FAM227A: variants seen among roughly 807,000 people sequenced by gnomAD.
FAM227A encodes the protein family with sequence similarity 227 member A, also known as protein FAM227A.
In FAM227A, 80 loss-of-function variants were observed where a neutral mutation model predicts 74.7. The ratio of observed to expected loss-of-function variants is 1.07; its 90% CI spans 0.89 to 1.29. FAM227A has a LOEUF of 1.29. Among genes scored for constraint, FAM227A ranks in the 50% most tolerant of loss-of-function variants. The probability of loss-of-function intolerance (pLI) is 0.00; values close to 1 mark genes in which losing one functional copy is unlikely to be tolerated. For missense variants in FAM227A, 654 were observed against 683.4 expected (o/e 0.96, Z 0.48); for synonymous variants, 237 against 241.8 (o/e 0.98, Z 0.19).
intron 11 of FAM227A, among the ~76,000 whole-genome samples, chr22:38,616,376 A>G (rs1034246601): frequency 1.3e-5 from 2 of 151,996 alleles, no homozygotes; most frequent in Admixed American, 1.3e-4. Flanking sequence ...ATCTTTCAAG[A>G]AGTTCTGGGC....
chr22:38,608,437 CT>C (rs962368881), intron 11 of FAM227A, among the ~76,000 whole-genome samples: 31 of 146,448 alleles, frequency 2.1e-4, no homozygotes, highest in Non-Finnish European at 2.4e-4. Context: ...CTCAGGGATT[CT>C]TTTTTTTTTT....
intron 10 of FAM227A, among the ~76,000 whole-genome samples, chr22:38,620,631 G>A (rs947020301): frequency 1.3e-5 from 2 of 151,664 alleles, no homozygotes; most frequent in Non-Finnish European, 2.9e-5. Context: ...GTGAAACCCT[G>A]TCTCTACTAA....
At chr22:38,593,768 G>A (rs558180668) in intron 15 of FAM227A, among the ~76,000 whole-genome samples, 4 of 152,186 alleles carry the variant, frequency 2.6e-5, no homozygotes, top group East Asian at 1.9e-4. Flanking sequence ...CCGGCTCACC[G>A]CAACTTCTGC....
At chr22:38,613,113 A>G (rs2091460468) in intron 11 of FAM227A, among the ~76,000 whole-genome samples, 1 of 93,738 alleles carries the variant, frequency 1.1e-5, no homozygotes, top group South Asian at 2.6e-4. Context: ...AATTATATAT[A>G]TATTATATAT....
At chr22:38,632,541 T>C (rs2091934206) in intron 6 of FAM227A, among the ~76,000 whole-genome samples, 1 of 152,186 alleles carries the variant, frequency 6.6e-6, no homozygotes, top group Non-Finnish European at 1.5e-5. Flanking sequence ...AAATCTCTGT[T>C]CTTTATAAAT....
chr22:38,590,860 C>T (rs1349097624), intron 16 of FAM227A, among the ~76,000 whole-genome samples: 1 of 152,114 alleles, frequency 6.6e-6, no homozygotes, highest in Non-Finnish European at 1.5e-5. Context: ...TCTCGGCTCA[C>T]TGCAACCTCC....
chr22:38,599,791 AC>A lies in FAM227A; in HGVS notation c.1351del (p.Val451SerfsTer27). 1 of 1,551,282 alleles carries A rather than the reference AC, an allele frequency of 6.4e-7. No individual in the cohort carries two copies. The highest frequency in any genetic ancestry group is 8.7e-7 in the Non-Finnish European group (1 of 1,146,798). ...LQQHGKNVLI[V>X]RREKTTSTPD... is the part of the protein sequence containing the mutation. ...GGTGCTCGTGGTCTTTTCCCTTCTG[AC>A]TATCAACACATTCTTGCCGTGCTGC... On this transcript the variant is annotated frameshift_variant, in exon 14 of 17. Transcript: ENST00000535113. LOFTEE classifies it high-confidence loss of function.
chr22:38,627,173 T>G (rs1327794939), intron 8 of FAM227A, among the ~76,000 whole-genome samples: 3 of 151,768 alleles, frequency 2.0e-5, no homozygotes, highest in African/African-American at 7.3e-5. Context: ...CCTTTTAGTA[T>G]ATATATACAT....
At chr22:38,596,576 G>A (rs551013811) in intron 15 of FAM227A, among the ~76,000 whole-genome samples, 1 of 152,274 alleles carries the variant, frequency 6.6e-6, no homozygotes, top group South Asian at 2.1e-4. Context: ...GGGGACAATT[G>A]GGGAAATCTG....
rs910951240 is a variant in FAM227A at position 38,588,882 on chromosome 22, CG to C, written c.1638+2552del. 1.5e-4 allele frequency among the ~76,000 whole-genome samples: 22 copies of C among 144,014 alleles called. 1 individual carries two copies. The highest frequency in any genetic ancestry group is 5.7e-4 in the African/African-American group (22 of 38,748). The allele number at this position is 144,014 out of a possible 152,430, so 94.5% of individuals were successfully genotyped here. A position where few individuals can be genotyped will look rare whatever the true frequency, so the allele number is the denominator to read the frequency against. ...GGCGGAGGTTGCAGTGAGCCAAGAT[CG>C]CGCCACTGCACTCCAGCCTGGGCGA... is the stretch of plus-strand genomic sequence containing the variant. On this transcript the variant is annotated intron_variant, in intron 16 of 16. Transcript: ENST00000535113.
intron 12 of FAM227A, among the ~76,000 whole-genome samples, chr22:38,607,176 C>CA (rs528873313): frequency 0.088 from 4,737 of 54,034 alleles, 187 homozygotes; most frequent in Middle Eastern, 0.1. Context: ...GACTTCATCT[C>CA]AAAAAAAAAA....
chr22:38,585,789 C>T lies in FAM227A; in HGVS notation c.*336G>A, dbSNP rs973459849. The T allele has an allele frequency of 7.6e-5, 31 of 406,980 alleles. No individual in the cohort carries two copies. The highest frequency in any genetic ancestry group is 4.4e-4 in the African/African-American group (22 of 50,260). The allele number at this position is 406,980 out of a possible 1,614,324, so 25.2% of individuals were successfully genotyped here. A position where few individuals can be genotyped will look rare whatever the true frequency, so the allele number is the denominator to read the frequency against. Reference sequence around the variant, plus strand: ...CTTTCTAAACCTGGGCTTGCTGCTGCGTAAAATGCAGTGGATAATCCCTAC... The same window carrying T: ...CTTTCTAAACCTGGGCTTGCTGCTGTGTAAAATGCAGTGGATAATCCCTAC... On this transcript the variant is annotated 3_prime_UTR_variant, in exon 17 of 17. Coordinates refer to ENST00000535113, the MANE Select transcript of FAM227A (RefSeq NM_001013647.2).
intron 7 of FAM227A, 35 bp downstream of exon 7, chr22:38,628,799 A>C: frequency 8.2e-7 from 1 of 1,224,244 alleles, no homozygotes; most frequent in Non-Finnish European, 1.2e-6. Flanking sequence ...AAAATAACTT[A>C]AGCAAGGCAG....
At chr22:38,648,082 T>C (rs145377896) in intron 2 of FAM227A, among the ~76,000 whole-genome samples, 16 of 152,058 alleles carry the variant, frequency 1.1e-4, no homozygotes, top group African/African-American at 3.6e-4. Context: ...GACCTGGGGT[T>C]ATTTATAGTC....
In FAM227A at chr22:38,583,054, A is replaced by C; in HGVS notation, c.*3071T>G. On this transcript the variant is annotated 3_prime_UTR_variant, in exon 17 of 17. Transcript: ENST00000535113. The stretch of plus-strand genomic sequence containing the variant: ...GTGGTTCCTAGAGAAACTGCAAATG[A>C]AGAGTTGACAGTGGCTGGGGTAGTA... 3.1e-6 allele frequency: 4 copies of C among 1,294,048 alleles called. No individual in the cohort carries two copies. In the South Asian group the frequency reaches 5.5e-5, roughly 18 times the overall value. The allele number at this position is 1,294,048 out of a possible 1,614,324, so 80.2% of individuals were successfully genotyped here. A position where few individuals can be genotyped will look rare whatever the true frequency, so the allele number is the denominator to read the frequency against.
At chr22:38,593,777 G>A (rs896395110) in intron 15 of FAM227A, among the ~76,000 whole-genome samples, 2 of 152,076 alleles carry the variant, frequency 1.3e-5, no homozygotes, top group African/African-American at 4.8e-5. Flanking sequence ...CGCAACTTCT[G>A]CCTCCCAGGC....
At chr22:38,639,520 T>G (rs2092070506) in intron 4 of FAM227A, 135 bp downstream of exon 4, 3 of 873,628 alleles carry the variant, frequency 3.4e-6, no homozygotes, top group African/African-American at 3.3e-5. Context: ...TGTCAAGAAG[T>G]CAGATTTAAG....
intron 2 of FAM227A, 138 bp downstream of exon 2, chr22:38,649,881 AAAGAAAAG>A (rs2092299033): frequency 6.9e-5 from 29 of 419,264 alleles, no homozygotes; most frequent in African/African-American, 5.8e-4. Flanking sequence ...AAAAAAAAAG[AAAGAAAAG>A]AAAAGAAAAA....
Position 38,636,458 on chromosome 22 carries a change from C to T in FAM227A, c.512G>A (p.Ser171Asn). The change falls in exon 6 of 17, where the codon AGT (serine) becomes AAT (asparagine). Residue 171 changes from serine to asparagine, a missense_variant. Coordinates refer to ENST00000535113, the MANE Select transcript of FAM227A (RefSeq NM_001013647.2). ...GCACTGCTTTTTCCTCACCTTGCCACTAAGGCAGTCTCTCTCAGCCCGGAC... is the reference window on the plus strand; with the variant it reads ...GCACTGCTTTTTCCTCACCTTGCCATTAAGGCAGTCTCTCTCAGCCCGGAC... ...NVVRAERDCL[S>N]GKHFCSGREL... 1 of 1,551,144 alleles carries T rather than the reference C, an allele frequency of 6.4e-7. No individual in the cohort carries two copies. The highest frequency in any genetic ancestry group is 1.2e-5 in the South Asian group (1 of 84,002).
Sources: allele counts gnomAD v4.1 joint callset (sites outside exome capture counted in the v4.1 genomes callset), GRCh38; gene constraint gnomAD v4.1.1; transcripts MANE v1.5; gene names NCBI Gene and HGNC (gene_info 2026-07-23, HGNC 2026-07-21).